The following AGGF1 variants were observed in gnomAD, a reference collection of about 807,000 sequenced individuals.
The protein encoded by AGGF1 is angiogenic factor with G-patch and FHA domains 1.
AGGF1 carries 56 observed loss-of-function variants against 86.5 expected under a neutral mutation model. That is an observed-to-expected ratio of 0.65 (90% CI 0.52 to 0.81). AGGF1 has a LOEUF of 0.81. Ranked by LOEUF, AGGF1 falls within the 30% of genes least tolerant of loss-of-function variation. AGGF1 has a pLI of 0.00. For missense variants in AGGF1, 816 were observed against 850.9 expected (o/e 0.96, Z 0.51); for synonymous variants, 313 against 297.1 (o/e 1.05, Z -0.55).
intron 4 of AGGF1, among the ~76,000 whole-genome samples, chr5:77,038,251 A>C (rs1351973757): frequency 1.3e-5 from 2 of 152,354 alleles, no homozygotes; most frequent in East Asian, 3.9e-4. Flanking sequence ...TAATGTTTAA[A>C]CACTTATCCA....
At chr5:77,036,065 T>C (rs1746962460) in intron 3 of AGGF1, 1 of 294,090 alleles carries the variant, frequency 3.4e-6, no homozygotes, top group South Asian at 4.1e-5. Context: ...AAAATTTTAA[T>C]GTTCCTTTAT....
rs576747560 is a variant in AGGF1 at position 77,065,127 on chromosome 5, T to G, written c.*1875T>G. Reference sequence around the variant, plus strand: ...TGAGAAAATGTATATAAAAGCACTTTGTAAATTGTAAAAGTAGTACAGATG... The same window carrying G: ...TGAGAAAATGTATATAAAAGCACTTGGTAAATTGTAAAAGTAGTACAGATG... On this transcript the variant is annotated 3_prime_UTR_variant, in exon 14 of 14. Coordinates refer to ENST00000312916, the MANE Select transcript of AGGF1 (RefSeq NM_018046.5). The G allele has an allele frequency of 9.2e-5, 14 of 152,320 alleles. No homozygotes were observed. The highest frequency in any genetic ancestry group is 3.4e-4 in the African/African-American group (14 of 41,590). 9.4% of individuals were successfully genotyped at this position (152,320 alleles called of 1,614,324 possible). A position where few individuals can be genotyped will look rare whatever the true frequency, so the allele number is the denominator to read the frequency against.
chr5:77,053,982 C>A lies in AGGF1; in HGVS notation c.1485C>A (p.Asp495Glu). The A allele has an allele frequency of 6.2e-7, 1 of 1,614,140 alleles. No individual in the cohort carries two copies. The highest frequency in any genetic ancestry group is 1.1e-5 in the South Asian group (1 of 91,080). Reference sequence around the variant, plus strand: ...CCCTCTAGCCGAAAACTAAATGTGACCCTTACGTACTTGAGCATGGAGATG... The same window carrying A: ...CCCTCTAGCCGAAAACTAAATGTGAACCTTACGTACTTGAGCATGGAGATG... ...KQILQPKTKC[D>E]PYVLEHGDEV... The change falls in exon 10 of 14, where the codon GAC becomes GAA. Residue 495 changes from aspartate (D) to glutamate (E), a missense_variant. This residue lies in a region of AGGF1 where 565 missense variants were observed against 585.8 expected (regional missense o/e 0.96). Coordinates refer to ENST00000312916, the MANE Select transcript of AGGF1 (RefSeq NM_018046.5).
intron 12 of AGGF1, among the ~76,000 whole-genome samples, chr5:77,061,316 C>A (rs1482973369): frequency 1.3e-5 from 2 of 152,148 alleles, no homozygotes; most frequent in African/African-American, 2.4e-5. Context: ...TGAAATGGAA[C>A]AATTCAGTAT....
At position 77,052,728 on chromosome 5, in the gene AGGF1, A is replaced by G. The variant is rs1175675684; in HGVS notation, c.1388A>G (p.Asp463Gly). 1 of 1,613,464 alleles carries G rather than the reference A, an allele frequency of 6.2e-7. No individual in the cohort carries two copies. Among genetic ancestry groups the G allele is most frequent in the Admixed American group, 1.7e-5 (1 of 59,980 alleles). The change falls in exon 9 of 14, where the codon GAC becomes GGC. Residue 463 changes from aspartate to glycine, a missense_variant. Around this residue, in one of 3 missense-constraint regions of AGGF1, gnomAD observed 565 missense variants for 585.8 expected, o/e 0.96. Transcript: ENST00000312916. Reference protein sequence around the residue: ...VSKFHAEIYFDHDLQSYVLVD... With the variant: ...VSKFHAEIYFGHDLQSYVLVD... The stretch of plus-strand genomic sequence containing the variant: ...AAGTTTCATGCAGAAATTTATTTTG[A>G]CCATGACTTACAAAGTTATGTCCTT...
In AGGF1 at chr5:77,034,269, A is replaced by C. The variant is rs545653886; in HGVS notation, c.211-149A>C. The C allele has an allele frequency of 1.0e-4, 65 of 638,078 alleles. No individual in the cohort carries two copies. The African/African-American group carries it at 1.2e-3, about 11-fold the overall frequency. The allele number at this position is 638,078 out of a possible 1,614,324, so 39.5% of individuals were successfully genotyped here. ...ATAAAAATGCCTTTTAAATGTATAAAGTAAAATAATAATTTTAGCTTTTCT... is the reference window on the plus strand; with the variant it reads ...ATAAAAATGCCTTTTAAATGTATAACGTAAAATAATAATTTTAGCTTTTCT... On this transcript the variant is annotated intron_variant, in intron 1 of 13. Transcript: ENST00000312916.
rs1210900648 is a variant in AGGF1 at position 77,030,980 on chromosome 5, C to T, written c.210+4C>T. 2.5e-6 allele frequency: 4 copies of T among 1,611,314 alleles called. No individual in the cohort carries two copies. Among genetic ancestry groups the T allele is most frequent in the Non-Finnish European group, 3.4e-6 (4 of 1,179,852 alleles). On this transcript the variant is annotated splice_donor_region_variant and intron_variant, in intron 1 of 13. Coordinates refer to ENST00000312916, the MANE Select transcript of AGGF1 (RefSeq NM_018046.5). ...CAACCAGGAGCTCCGCACGCAGGTG[C>T]GCGGTCCTCCTCAGCCCCGCGCCCC...
Position 77,063,148 on chromosome 5 carries a change from A to C in AGGF1, c.2041A>C (p.Asn681His), listed in dbSNP as rs750760579. Residue 681 changes from asparagine to histidine, a missense_variant, in exon 14 of 14, where the codon AAC becomes CAC. Physicochemically the swap from Asn to His is moderately conservative, Grantham distance 68. Coordinates refer to ENST00000312916, the MANE Select transcript of AGGF1 (RefSeq NM_018046.5). ...CCTTCTCCAAAACAAGAACAAAAAA[A>C]ACTGGGACAAAGCACGAGAGCGGTT... ...VHLLQNKNKK[N>H]WDKARERFTE... 39 of 1,614,022 alleles carry C rather than the reference A, an allele frequency of 2.4e-5. No homozygotes were observed. The highest frequency in any genetic ancestry group is 4.0e-5 in the African/African-American group (3 of 74,908).
At chr5:77,057,496 G>A (rs1046278048) in intron 11 of AGGF1, among the ~76,000 whole-genome samples, 4 of 152,176 alleles carry the variant, frequency 2.6e-5, no homozygotes, top group African/African-American at 2.4e-5. Flanking sequence ...GATAAAACAC[G>A]TGTATGTGCT....
chr5:77,036,943 C>T (rs577680776), intron 4 of AGGF1, among the ~76,000 whole-genome samples: 23 of 152,180 alleles, frequency 1.5e-4, no homozygotes, highest in Non-Finnish European at 2.1e-4. Context: ...TTCGCCATGT[C>T]GGCCAGGCTG....
In AGGF1 at chr5:77,030,970, C is replaced by G; in HGVS notation, c.204C>G (p.Arg68=). 6.2e-7 allele frequency: 1 copy of G among 1,611,970 alleles called. No homozygotes were observed. The highest frequency in any genetic ancestry group is 8.5e-7 in the Non-Finnish European group (1 of 1,179,946). Residue 68 remains arginine, a synonymous_variant, in exon 1 of 14, where the codon CGC becomes CGG. Coordinates refer to ENST00000312916, the MANE Select transcript of AGGF1 (RefSeq NM_018046.5). ...CAGAAAGCAACAACCAGGAGCTCCG[C>G]ACGCAGGTGCGCGGTCCTCCTCAGC... The part of the protein sequence containing the change: ...QNAESNNQEL[R]TQVEELSKIL...
chr5:77,044,402 T>A (rs1337513887), intron 5 of AGGF1, among the ~76,000 whole-genome samples: 1 of 152,232 alleles, frequency 6.6e-6, no homozygotes, highest in Non-Finnish European at 1.5e-5. Flanking sequence ...CTGTTTTCTT[T>A]ATTTTTAAAG....
At chr5:77,034,918 C>G (rs144041136) in intron 2 of AGGF1, among the ~76,000 whole-genome samples, 4 of 152,264 alleles carry the variant, frequency 2.6e-5, no homozygotes, top group Non-Finnish European at 5.9e-5. Flanking sequence ...ACCACCATGG[C>G]CTTATGAATG....
At chr5:77,047,909 A>G (rs1747300547) in intron 6 of AGGF1, among the ~76,000 whole-genome samples, 1 of 152,058 alleles carries the variant, frequency 6.6e-6, no homozygotes, top group South Asian at 2.1e-4. Flanking sequence ...ACCTTAAAAA[A>G]GAAAGAGTTG....
rs756785990 is a variant in AGGF1 at position 77,030,607 on chromosome 5, A to G, written c.-160A>G. 7.3e-6 allele frequency: 6 copies of G among 820,992 alleles called. No individual in the cohort carries two copies. The highest frequency in any genetic ancestry group is 2.7e-5 in the East Asian group (1 of 37,504). The allele number at this position is 820,992 out of a possible 1,614,324, so 50.9% of individuals were successfully genotyped here. A position where few individuals can be genotyped will look rare whatever the true frequency, so the allele number is the denominator to read the frequency against. ...TTGCTCGCAGCCCCGTTCGGCTACAAGTGAGTTTCAGGGCGTCATGGCCAG... is the reference window on the plus strand; with the variant it reads ...TTGCTCGCAGCCCCGTTCGGCTACAGGTGAGTTTCAGGGCGTCATGGCCAG... On this transcript the variant is annotated 5_prime_UTR_variant, in exon 1 of 14. Coordinates refer to ENST00000312916, the MANE Select transcript of AGGF1 (RefSeq NM_018046.5).
At chr5:77,054,157 G>A (rs1286236585) in intron 10 of AGGF1, 27 bp downstream of exon 10, 22 of 1,613,250 alleles carry the variant, frequency 1.4e-5, no homozygotes, top group Non-Finnish European at 1.8e-5. Context: ...AAATGTGGCT[G>A]TGATAACATT....
chr5:77,055,546 T>C lies in AGGF1; in HGVS notation c.1666T>C (p.Leu556=). The stretch of plus-strand genomic sequence containing the variant: ...AACACTAAGTAAGGAGGAAAAAGAG[T>C]TGGAAAGAAGAAAAGAATTAAAGAA... The part of the protein sequence containing the change: ...GPTLSKEEKE[L]ERRKELKKIR... Residue 556 remains leucine (L), a synonymous_variant, in exon 11 of 14, where the codon TTG becomes CTG. Transcript: ENST00000312916. 1.2e-6 allele frequency: 2 copies of C among 1,604,862 alleles called. No individual in the cohort carries two copies. The highest frequency in any genetic ancestry group is 1.7e-6 in the Non-Finnish European group (2 of 1,172,912).
At position 77,036,576 on chromosome 5, in the gene AGGF1, A is replaced by G. The variant is rs762676050; in HGVS notation, c.537A>G (p.Ala179=). The G allele has an allele frequency of 6.2e-7, 1 of 1,614,162 alleles. No homozygotes were observed. The highest frequency in any genetic ancestry group is 8.5e-7 in the Non-Finnish European group (1 of 1,180,014). The change falls in exon 4 of 14, where the codon GCA becomes GCG. Residue 179 remains alanine, a synonymous_variant. Coordinates refer to ENST00000312916, the MANE Select transcript of AGGF1 (RefSeq NM_018046.5). ...TATAGGAGCCAGCATCTGCATTAGC[A>G]ACAGAAGATACCTCCTTAGAAGGCT... ...SNSQEPASAL[A]TEDTSLEGSS...
chr5:77,061,853 C>G (rs764754410), intron 13 of AGGF1, 51 bp downstream of exon 13: 1 of 1,536,654 alleles, frequency 6.5e-7, no homozygotes, highest in African/African-American at 1.4e-5. Flanking sequence ...AGACATTTAC[C>G]GTGTACATTA....
Sources: gnomAD v4.1 joint callset for allele counts (sites outside exome capture counted in the v4.1 genomes callset) on GRCh38, gnomAD v4.1.1 for gene constraint, gnomAD v4.1.1 regional missense constraint, MANE v1.5 for transcripts, NCBI Gene and HGNC (gene_info 2026-07-23, HGNC 2026-07-21) for gene names.